Variants in RSU1 observed in about 807,000 individuals in gnomAD.
RSU1 encodes the protein Ras suppressor protein 1.
RSU1 carries 26 observed loss-of-function variants against 31.1 expected under a neutral mutation model. That is an observed-to-expected ratio of 0.84 (90% CI 0.61 to 1.16). The LOEUF (loss-of-function observed/expected upper bound fraction) is 1.16, where lower values mean the gene tolerates loss of function less well. Among genes scored for constraint, RSU1 ranks in the 50% most tolerant of loss-of-function variants. The pLI is 0.00. For synonymous variants in RSU1, 164 were observed against 136.3 expected (o/e 1.20, Z -1.41); for missense variants, 320 against 339.1 (o/e 0.94, Z 0.44).
intron 6 of RSU1, 79 bp from the exon 7 acceptor site, chr10:16,752,732 C>T: frequency 8.8e-7 from 1 of 1,138,648 alleles, no homozygotes; most frequent in Non-Finnish European, 1.3e-6. Context: ...TCTATGTCCT[C>T]TCTTCTACTA....
At chr10:16,684,262 C>T (rs191236319) in intron 8 of RSU1, among the ~76,000 whole-genome samples, 1 of 152,066 alleles carries the variant, frequency 6.6e-6, no homozygotes, top group African/African-American at 2.4e-5. Context: ...TTCTTTGTCA[C>T]ATAATGTTAT....
intron 8 of RSU1, among the ~76,000 whole-genome samples, chr10:16,678,162 T>TAACAA (rs1453850061): frequency 6.6e-6 from 1 of 152,200 alleles, no homozygotes; most frequent in Non-Finnish European, 1.5e-5. Flanking sequence ...AAAATACCCC[T>TAACAA]AACAAAACAA....
chr10:16,689,013 A>G (rs76263245), intron 8 of RSU1, among the ~76,000 whole-genome samples: 7 of 131,732 alleles, frequency 5.3e-5, no homozygotes, highest in Non-Finnish European at 7.7e-5. Flanking sequence ...GTCCCTAAGG[A>G]AAAAAAAAAA....
chr10:16,695,270 T>G, intron 7 of RSU1, 115 bp from the exon 8 acceptor site: 2 of 972,364 alleles, frequency 2.1e-6, no homozygotes, highest in East Asian at 2.5e-5. Context: ...AAGTGCCTCT[T>G]GGATCATTTG....
At chr10:16,709,377 T>C (rs1835971596) in intron 7 of RSU1, among the ~76,000 whole-genome samples, 3 of 152,230 alleles carry the variant, frequency 2.0e-5, no homozygotes, top group African/African-American at 4.8e-5. Flanking sequence ...TGCCACATTT[T>C]CTTAATCCAG....
In RSU1 at chr10:16,750,745, C is replaced by A. The variant is rs7923537; in HGVS notation, c.598+1794G>T. Among the ~76,000 whole-genome samples the A allele has an allele frequency of 8.7e-3, 1,322 of 152,206 alleles. 27 individuals are homozygous for A. Among genetic ancestry groups the A allele is most frequent in the African/African-American group, 0.031 (1,275 of 41,540 alleles). On this transcript the variant is annotated intron_variant, in intron 7 of 8. Transcript: ENST00000345264. ...CCAAGTTATAGAAGAATTCACCTCACACATGGAGATTCTGATTTAGTAGGT... is the reference window on the plus strand; with the variant it reads ...CCAAGTTATAGAAGAATTCACCTCAAACATGGAGATTCTGATTTAGTAGGT...
rs1193610869 is a variant in RSU1 at position 16,784,461 on chromosome 10, G to A, written c.110-2377C>T. Among the ~76,000 whole-genome samples, 3 of 152,202 alleles carry A rather than the reference G, an allele frequency of 2.0e-5. No individual in the cohort carries two copies. In the East Asian group the frequency reaches 5.8e-4, roughly 29 times the overall value. ...TTCTGCAGGCTGTACAGGAAGCACA[G>A]AAGCATCTGATTCTGGGGAGACCTC... On this transcript the variant is annotated intron_variant, in intron 2 of 8. Coordinates refer to ENST00000345264, the MANE Select transcript of RSU1 (RefSeq NM_012425.4).
chr10:16,794,134 C>T (rs1023704406), intron 2 of RSU1, among the ~76,000 whole-genome samples: 4 of 152,158 alleles, frequency 2.6e-5, no homozygotes, highest in African/African-American at 7.2e-5. Flanking sequence ...TCCTATGACT[C>T]TCCAGCCTTT....
chr10:16,676,093 G>A (rs1835225734), intron 8 of RSU1, among the ~76,000 whole-genome samples: 1 of 152,188 alleles, frequency 6.6e-6, no homozygotes, highest in African/African-American at 2.4e-5. Context: ...ATACTAGTAA[G>A]TATTCTAGAG....
chr10:16,661,303 T>C lies in RSU1; in HGVS notation c.731+33720A>G, dbSNP rs983400539. On this transcript the variant is annotated intron_variant, in intron 8 of 8. Transcript: ENST00000345264. Reference sequence around the variant, plus strand: ...TAGAGAGTGCGTGTGTGTGTGTGTGTGTGTGTGTGTGTGTGTGTGTGTGTG... The same window carrying C: ...TAGAGAGTGCGTGTGTGTGTGTGTGCGTGTGTGTGTGTGTGTGTGTGTGTG... Among the ~76,000 whole-genome samples the C allele has an allele frequency of 2.8e-3, 428 of 151,236 alleles. 1 individual carries two copies. Among genetic ancestry groups the C allele is most frequent in the African/African-American group, 9.8e-3 (404 of 41,104 alleles).
At chr10:16,813,432 C>A (rs1405560250) in intron 2 of RSU1, among the ~76,000 whole-genome samples, 1 of 152,192 alleles carries the variant, frequency 6.6e-6, no homozygotes, top group South Asian at 2.1e-4. Context: ...TATGTTGGAA[C>A]TGGGTATGTC....
At chr10:16,651,290 T>C (rs1216051861) in intron 8 of RSU1, among the ~76,000 whole-genome samples, 1 of 152,252 alleles carries the variant, frequency 6.6e-6, no homozygotes, top group Non-Finnish European at 1.5e-5. Flanking sequence ...TGTTTAATGA[T>C]GAAACTTATT....
chr10:16,662,417 T>G (rs1834905839), intron 8 of RSU1, among the ~76,000 whole-genome samples: 1 of 152,222 alleles, frequency 6.6e-6, no homozygotes, highest in Non-Finnish European at 1.5e-5. Flanking sequence ...AAAGAGAAGT[T>G]ACCATATATT....
At chr10:16,750,888 C>A (rs1439403190) in intron 7 of RSU1, among the ~76,000 whole-genome samples, 1 of 140,614 alleles carries the variant, frequency 7.1e-6, no homozygotes, top group Non-Finnish European at 1.5e-5. Context: ...TTCCTTTCAA[C>A]AAGGTCTTGT....
At chr10:16,761,448 C>T (rs1226528363) in intron 4 of RSU1, among the ~76,000 whole-genome samples, 33 of 152,116 alleles carry the variant, frequency 2.2e-4, no homozygotes. Flanking sequence ...ATCCAGGATT[C>T]CCTGTCTAGC....
At chr10:16,603,157 G>A (rs1482953029) in intron 8 of RSU1, among the ~76,000 whole-genome samples, 2 of 152,066 alleles carry the variant, frequency 1.3e-5, no homozygotes, top group Non-Finnish European at 2.9e-5. Flanking sequence ...CCAACATAGT[G>A]GAGAAAGAAA....
intron 7 of RSU1, among the ~76,000 whole-genome samples, chr10:16,739,298 G>C (rs555826484): frequency 7.2e-5 from 11 of 151,996 alleles, no homozygotes; most frequent in East Asian, 5.8e-4. Context: ...CTGTCTTCCA[G>C]AATGGTTGAA....
In RSU1 at chr10:16,708,486, C is replaced by T. The variant is rs1352571334; in HGVS notation, c.599-13331G>A. ...GTTTAAATCTAAGTTCTTTAGGAGT[C>T]AACTGTACATTTTGAACTTGGTTGG... On this transcript the variant is annotated intron_variant, in intron 7 of 8. Transcript: ENST00000345264. Among the ~76,000 whole-genome samples, 3 of 152,034 alleles carry T rather than the reference C, an allele frequency of 2.0e-5. No individual in the cohort carries two copies. The East Asian group carries it at 5.8e-4, about 29-fold the overall frequency.
chr10:16,664,222 A>AGTGGAGT (rs1435937495), intron 8 of RSU1, among the ~76,000 whole-genome samples: 2 of 152,218 alleles, frequency 1.3e-5, no homozygotes, highest in African/African-American at 4.8e-5. Context: ...GGGAAATTAC[A>AGTGGAGT]GATCACTCCA....
Sources: gnomAD v4.1 joint callset for allele counts (sites outside exome capture counted in the v4.1 genomes callset) on GRCh38, gnomAD v4.1.1 for gene constraint, MANE v1.5 for transcripts, NCBI Gene and HGNC (gene_info 2026-07-23, HGNC 2026-07-21) for gene names.